PARD3B: variants seen among roughly 807,000 people sequenced by gnomAD.
The protein encoded by PARD3B is par-3 family cell polarity regulator beta.
A neutral mutation model predicts 130.2 loss-of-function variants in PARD3B; 103 were observed. The observed-to-expected ratio is 0.79, with a 90% confidence interval of 0.67 to 0.93. PARD3B has a LOEUF of 0.93. Ranked by LOEUF, PARD3B falls within the 40% of genes least tolerant of loss-of-function variation. The pLI, the probability that PARD3B is intolerant of heterozygous loss-of-function variation, is 0.00. For synonymous variants in PARD3B, 583 were observed against 553.2 expected (o/e 1.05, Z -0.76); for missense variants, 1,609 against 1,499.2 (o/e 1.07, Z -1.21).
At chr2:204,969,131 A>G (rs575673261) in intron 3 of PARD3B, among the ~76,000 whole-genome samples, 2 of 152,346 alleles carry the variant, frequency 1.3e-5, no homozygotes, top group Admixed American at 1.3e-4. Context: ...GTGGTAACCA[A>G]AATCCCAGGC....
intron 10 of PARD3B, among the ~76,000 whole-genome samples, chr2:205,154,683 T>G (rs1251026093): frequency 1.3e-5 from 2 of 152,162 alleles, no homozygotes; most frequent in Admixed American, 1.3e-4. Flanking sequence ...TAAGAAAACA[T>G]GGCACATATA....
intron 3 of PARD3B, among the ~76,000 whole-genome samples, chr2:205,026,693 C>T (rs927600477): frequency 6.6e-6 from 1 of 152,166 alleles, no homozygotes; most frequent in African/African-American, 2.4e-5. Context: ...TCCTCCAACC[C>T]TTCATCCATG....
intron 2 of PARD3B, among the ~76,000 whole-genome samples, chr2:204,955,011 C>G (rs982438562): frequency 1.3e-5 from 2 of 152,084 alleles, no homozygotes; most frequent in Admixed American, 1.3e-4. Flanking sequence ...TATTTGTAGC[C>G]AAGTCTCATA....
chr2:205,552,757 G>C (rs1250477322), intron 21 of PARD3B, among the ~76,000 whole-genome samples: 1 of 152,028 alleles, frequency 6.6e-6, no homozygotes, highest in East Asian at 2.0e-4. Context: ...CAGCCAAGAA[G>C]AGCTATAATG....
At chr2:205,136,133 T>C (rs2032462870) in intron 10 of PARD3B, among the ~76,000 whole-genome samples, 1 of 152,166 alleles carries the variant, frequency 6.6e-6, no homozygotes, top group Non-Finnish European at 1.5e-5. Context: ...TTGCATTTCT[T>C]AGAGGTTTAG....
Position 204,894,655 on chromosome 2 carries a change from G to A in PARD3B, c.223-70497G>A, listed in dbSNP as rs114823038. 5.8e-3 allele frequency among the ~76,000 whole-genome samples: 886 copies of A among 152,044 alleles called. 9 individuals are homozygous for A. The highest frequency in any genetic ancestry group is 0.021 in the African/African-American group (856 of 41,510). ...TCTAATAATGAAAATATGAAATAAA[G>A]AAATAAACACTGTAAAACCCAACCC... On this transcript the variant is annotated intron_variant, in intron 2 of 22. Coordinates refer to ENST00000406610, the MANE Select transcript of PARD3B (RefSeq NM_001302769.2).
In PARD3B at chr2:205,238,849, A is replaced by AAAAAAT. The variant is rs1273582854; in HGVS notation, c.2141-6928_2141-6927insAAAATA. On this transcript the variant is annotated intron_variant, in intron 15 of 22. Transcript: ENST00000406610. ...AAACTCCGTTTCAAAAAAAAAAAAAAATATATATATATATATATATATATA... is the reference window on the plus strand; with the variant it reads ...AAACTCCGTTTCAAAAAAAAAAAAAAAAAAATATATATATATATATATATATATATA... 4.2e-4 allele frequency among the ~76,000 whole-genome samples: 32 copies of AAAAAAT among 76,904 alleles called. 2 individuals carry two copies. Among genetic ancestry groups the AAAAAAT allele is most frequent in the South Asian group, 1.0e-3 (2 of 1,944 alleles). 50.5% of individuals were successfully genotyped at this position (76,904 alleles called of 152,430 possible). A position where few individuals can be genotyped will look rare whatever the true frequency, so the allele number is the denominator to read the frequency against.
At position 204,887,725 on chromosome 2, in the gene PARD3B, A is replaced by G. The variant is rs1178379460; in HGVS notation, c.223-77427A>G. Among the ~76,000 whole-genome samples the G allele has an allele frequency of 6.6e-6, 1 of 152,040 alleles. No homozygotes were observed. The highest frequency in any genetic ancestry group is 2.4e-5 in the African/African-American group (1 of 41,386). ...ATTTGAAATCACATCCCTTCCCTCA[A>G]GCAGAATGCAAGGTAACTGGAGACA... On this transcript the variant is annotated intron_variant, in intron 2 of 22. Coordinates refer to ENST00000406610, the MANE Select transcript of PARD3B (RefSeq NM_001302769.2). This position sits in a 1 kb window ranked among gnomAD's most constrained non-coding sequence, Gnocchi z 4.2.
intron 20 of PARD3B, among the ~76,000 whole-genome samples, chr2:205,488,040 AT>A (rs929378745): frequency 3.3e-4 from 51 of 152,320 alleles, no homozygotes; most frequent in Middle Eastern, 6.8e-3. Flanking sequence ...TACCTTTTTA[AT>A]CAATATTTTG....
At chr2:205,442,825 C>T (rs2047768441) in intron 20 of PARD3B, among the ~76,000 whole-genome samples, 1 of 152,104 alleles carries the variant, frequency 6.6e-6, no homozygotes, top group African/African-American at 2.4e-5. Flanking sequence ...TTAACTGCAG[C>T]CACTATAAAA....
At chr2:204,649,869 T>G (rs1295535159) in intron 1 of PARD3B, among the ~76,000 whole-genome samples, 1 of 152,168 alleles carries the variant, frequency 6.6e-6, no homozygotes, top group African/African-American at 2.4e-5. Context: ...GAGTTCATCT[T>G]GGAGATGCCG....
chr2:204,847,578 G>C (rs934565559), intron 2 of PARD3B, among the ~76,000 whole-genome samples: 18 of 152,004 alleles, frequency 1.2e-4, no homozygotes, highest in African/African-American at 4.3e-4. Flanking sequence ...GTAAAATCTC[G>C]CACCATCTCA....
At chr2:205,156,359 A>C (rs2034161783) in intron 10 of PARD3B, among the ~76,000 whole-genome samples, 1 of 151,802 alleles carries the variant, frequency 6.6e-6, no homozygotes, top group African/African-American at 2.4e-5. Flanking sequence ...ACATGTATAC[A>C]TATGTAACTA....
chr2:205,539,195 C>G (rs2052008277), intron 21 of PARD3B, among the ~76,000 whole-genome samples: 1 of 152,140 alleles, frequency 6.6e-6, no homozygotes. Context: ...GTCTGACCTA[C>G]CCTCCCTGCC....
rs1045847006 is a variant in PARD3B at position 204,671,161 on chromosome 2, G to T, written c.121-15020G>T. Among the ~76,000 whole-genome samples, 47 of 152,240 alleles carry T rather than the reference G, an allele frequency of 3.1e-4. 1 individual carries two copies. The Middle Eastern group carries it at 0.01, about 33-fold the overall frequency. The stretch of plus-strand genomic sequence containing the variant: ...CACCTGTCAGGAGTGACTGGGAGGA[G>T]GGTTGAGTGTAAGCCTGGTTTTTAC... On this transcript the variant is annotated intron_variant, in intron 1 of 22. Transcript: ENST00000406610.
chr2:204,996,893 ACC>A (rs1317425576), intron 3 of PARD3B, among the ~76,000 whole-genome samples: 1 of 148,280 alleles, frequency 6.7e-6, no homozygotes, highest in East Asian at 2.0e-4. Flanking sequence ...GAACTCCCTG[ACC>A]CCTTGCGCTT....
At chr2:204,670,680 A>C (rs2036257868) in intron 1 of PARD3B, among the ~76,000 whole-genome samples, 1 of 152,102 alleles carries the variant, frequency 6.6e-6, no homozygotes, top group Admixed American at 6.6e-5. Flanking sequence ...CTTGTTTCCT[A>C]AAATTATTGT....
At chr2:205,149,106 C>T (rs1431155931) in intron 10 of PARD3B, among the ~76,000 whole-genome samples, 2 of 152,180 alleles carry the variant, frequency 1.3e-5, no homozygotes, top group Non-Finnish European at 2.9e-5. Context: ...ATTTGGAACA[C>T]TCTTAAGGTA....
chr2:204,833,884 A>G (rs1041549875), intron 2 of PARD3B, among the ~76,000 whole-genome samples: 2 of 152,118 alleles, frequency 1.3e-5, no homozygotes, highest in East Asian at 1.9e-4. Flanking sequence ...CGTGACCCAC[A>G]AGCCCGGAGT....
Sources: allele counts gnomAD v4.1 joint callset (sites outside exome capture counted in the v4.1 genomes callset), GRCh38; gene constraint gnomAD v4.1.1; non-coding constraint Gnocchi (gnomAD v3.1); transcripts MANE v1.5; gene names NCBI Gene and HGNC (gene_info 2026-07-23, HGNC 2026-07-21).